The following LPP variants were observed in gnomAD, a reference collection of about 807,000 sequenced individuals.
LPP encodes lipoma-preferred partner.
A neutral mutation model predicts 60.4 loss-of-function variants in LPP; 38 were observed. The ratio of observed to expected loss-of-function variants is 0.63; its 90% confidence interval spans 0.49 to 0.83. The LOEUF (loss-of-function observed/expected upper bound fraction) is 0.83. LPP is among the 40% of genes least tolerant of loss of function. The probability of loss-of-function intolerance (pLI) is 0.00; values close to 1 mark genes in which losing one functional copy is unlikely to be tolerated. For synonymous variants in LPP, 328 were observed against 290.8 expected (o/e 1.13, Z -1.30); for missense variants, 902 against 783.6 (o/e 1.15, Z -1.80).
At chr3:188,567,180 T>C (rs1832373089) in intron 6 of LPP, among the ~76,000 whole-genome samples, 1 of 151,928 alleles carries the variant, frequency 6.6e-6, no homozygotes, top group African/African-American at 2.4e-5. Flanking sequence ...TTCTGAGAGA[T>C]GACGCTGTAA....
At chr3:188,623,090 C>T (rs1461862788) in intron 7 of LPP, among the ~76,000 whole-genome samples, 10 of 7,430 alleles carry the variant, frequency 1.3e-3, no homozygotes, top group Non-Finnish European at 7.6e-3. Context: ...TAGACATTGC[C>T]CCCATGATTG....
Position 188,886,764 on chromosome 3 carries a change from A to C in LPP, c.*12285A>C, listed in dbSNP as rs917744692. On this transcript the variant is annotated 3_prime_UTR_variant, in exon 12 of 12. Transcript: ENST00000617246. ...CACACACACACACACACACACACAC[A>C]CCCCTTCCAAGAAAGCTGATCCTTC... 7.6e-5 allele frequency: 17 copies of C among 223,306 alleles called. No individual in the cohort carries two copies. Among genetic ancestry groups the C allele is most frequent in the African/African-American group, 1.4e-4 (6 of 41,812 alleles). 13.8% of individuals were successfully genotyped at this position (223,306 alleles called of 1,614,324 possible).
chr3:188,308,915 C>T (rs1391709765), intron 2 of LPP, among the ~76,000 whole-genome samples: 5 of 151,868 alleles, frequency 3.3e-5, no homozygotes, highest in African/African-American at 7.3e-5. Flanking sequence ...CCTTCTTCTT[C>T]GTCTTCTTCT....
At chr3:188,287,305 T>A (rs553051652) in intron 2 of LPP, among the ~76,000 whole-genome samples, 1 of 152,320 alleles carries the variant, frequency 6.6e-6, no homozygotes, top group South Asian at 2.1e-4. Context: ...CCCCGCCCCG[T>A]GTGTTAATGC....
intron 2 of LPP, among the ~76,000 whole-genome samples, chr3:188,272,402 G>A (rs1738077605): frequency 6.6e-6 from 1 of 152,158 alleles, no homozygotes; most frequent in African/African-American, 2.4e-5. Flanking sequence ...CTTTGTGGGT[G>A]CCTGCTCACC....
intron 3 of LPP, among the ~76,000 whole-genome samples, chr3:188,378,922 CA>C (rs1468095259): frequency 1.3e-5 from 2 of 152,092 alleles, no homozygotes; most frequent in African/African-American, 4.8e-5. Flanking sequence ...GAGTGCCTTC[CA>C]TGTGTTAATT....
At chr3:188,335,248 A>G (rs1447790683) in intron 2 of LPP, among the ~76,000 whole-genome samples, 1 of 152,212 alleles carries the variant, frequency 6.6e-6, no homozygotes, top group Non-Finnish European at 1.5e-5. Context: ...TCATGAAGGA[A>G]TGTTGAACTT....
intron 9 of LPP, among the ~76,000 whole-genome samples, chr3:188,831,986 A>C (rs1757252132): frequency 6.6e-6 from 1 of 152,176 alleles, no homozygotes. Flanking sequence ...TTATTCTGGG[A>C]TATTGGAAGA....
intron 6 of LPP, among the ~76,000 whole-genome samples, chr3:188,553,605 C>T (rs535124121): frequency 2.9e-4 from 44 of 152,200 alleles, no homozygotes; most frequent in Non-Finnish European, 5.0e-4. Flanking sequence ...AACATAGGAA[C>T]GGACAGTTAA....
At chr3:188,710,212 A>T (rs1457422289) in intron 8 of LPP, 2 of 152,220 alleles carry the variant, frequency 1.3e-5, no homozygotes, top group African/African-American at 4.8e-5. Context: ...CAGTAGATGA[A>T]GTAGGAGGTA....
At chr3:188,462,116 C>T (rs1799087246) in intron 4 of LPP, among the ~76,000 whole-genome samples, 1 of 152,166 alleles carries the variant, frequency 6.6e-6, no homozygotes, top group Admixed American at 6.5e-5. Context: ...AATAGGGCAA[C>T]ACTTCCTTTC....
intron 8 of LPP, among the ~76,000 whole-genome samples, chr3:188,722,317 G>A (rs547789716): frequency 6.6e-6 from 1 of 152,278 alleles, no homozygotes; most frequent in Admixed American, 6.5e-5. Context: ...GCTCAGTAAT[G>A]GTGTTTACTA....
intron 7 of LPP, among the ~76,000 whole-genome samples, chr3:188,660,685 C>A (rs1854381265): frequency 6.6e-6 from 1 of 150,450 alleles, no homozygotes; most frequent in South Asian, 2.1e-4. Flanking sequence ...AGGCATTTTA[C>A]TTTTAAAAGG....
At chr3:188,741,251 G>A (rs1230378016) in intron 8 of LPP, among the ~76,000 whole-genome samples, 1 of 151,312 alleles carries the variant, frequency 6.6e-6, no homozygotes, top group Non-Finnish European at 1.5e-5. Context: ...ATTGGGGGGG[G>A]AAGGGAGATT....
In LPP at chr3:188,889,721, G is replaced by T. The variant is rs1177354937; in HGVS notation, c.*15242G>T. 2 of 220,308 alleles carry T rather than the reference G, an allele frequency of 9.1e-6. No individual in the cohort carries two copies. Among genetic ancestry groups the T allele is most frequent in the Non-Finnish European group, 1.8e-5 (2 of 110,070 alleles). The allele number at this position is 220,308 out of a possible 1,614,324, so 13.6% of individuals were successfully genotyped here. Reference sequence around the variant, plus strand: ...ATTACATAAGCTACGGGTGAGGTTGGAACAGCTATGTTTCATAATTTCAAG... The same window carrying T: ...ATTACATAAGCTACGGGTGAGGTTGTAACAGCTATGTTTCATAATTTCAAG... On this transcript the variant is annotated 3_prime_UTR_variant, in exon 12 of 12. Coordinates refer to ENST00000617246, the MANE Select transcript of LPP (RefSeq NM_001375462.1).
intron 2 of LPP, among the ~76,000 whole-genome samples, chr3:188,324,565 G>A (rs368395369): frequency 7.9e-5 from 12 of 152,172 alleles, no homozygotes; most frequent in African/African-American, 2.9e-4. Context: ...TGGCCAGTGC[G>A]TGTTTGTTCT....
At chr3:188,514,560 G>A (rs1412899706) in intron 5 of LPP, among the ~76,000 whole-genome samples, 5 of 151,932 alleles carry the variant, frequency 3.3e-5, no homozygotes, top group South Asian at 2.1e-4. Flanking sequence ...TCTGCCTCCA[G>A]CCTCCCAAGT....
chr3:188,868,628 A>G (rs35400531), intron 10 of LPP, among the ~76,000 whole-genome samples: 17,769 of 152,274 alleles, frequency 0.12, 1,388 homozygotes, highest in Middle Eastern at 0.22. Context: ...CTTATTTATA[A>G]GCCTTAAAAT....
chr3:188,485,251 G>T (rs1375689357), intron 5 of LPP, among the ~76,000 whole-genome samples: 1 of 152,094 alleles, frequency 6.6e-6, no homozygotes, highest in Non-Finnish European at 1.5e-5. Context: ...GGGTTCCAGC[G>T]AGTGGTAATT....
Sources: allele counts gnomAD v4.1 joint callset (sites outside exome capture counted in the v4.1 genomes callset), GRCh38; gene constraint gnomAD v4.1.1; transcripts MANE v1.5; gene names NCBI Gene and HGNC (gene_info 2026-07-23, HGNC 2026-07-21).